The following LHFPL3 variants were observed in gnomAD, a reference collection of about 807,000 sequenced individuals.
The protein encoded by LHFPL3 is LHFPL tetraspan subfamily member 3 protein.
In LHFPL3, 5 loss-of-function variants were observed where a neutral mutation model predicts 19.3. The ratio of observed to expected loss-of-function variants is 0.26; its 90% CI spans 0.14 to 0.54. LHFPL3 has a LOEUF of 0.54. Among genes scored for constraint, LHFPL3 ranks in the 20% least tolerant of loss-of-function variants. The pLI, the probability that LHFPL3 is intolerant of heterozygous loss-of-function variation, is 0.94. For missense variants in LHFPL3, 249 were observed against 307.4 expected, an observed-to-expected ratio of 0.81 and a Z score of 1.42; for synonymous variants, 133 against 126.2, an observed-to-expected ratio of 1.05 and a Z score of -0.36.
chr7:104,669,019 A>C (rs968527686), intron 1 of LHFPL3: 2 of 1,612,096 alleles, frequency 1.2e-6, no homozygotes, highest in Non-Finnish European at 1.7e-6. Context: ...GTCATCACAG[A>C]CTGGGACCTC....
rs1396546355 is a variant in LHFPL3, at chr7:104,733,986, A to G, written c.446-2689A>G. ...TATTTCTCCTTCACTTATGAAGCTT[A>G]GTTTGGCTGGATATGAAATTCTGGG... On this transcript the variant is annotated intron_variant, in intron 1 of 2. Coordinates refer to ENST00000424859, the MANE Select transcript of LHFPL3 (RefSeq NM_199000.3). Among the ~76,000 whole-genome samples, 4 of 152,298 alleles carry G rather than the reference A, an allele frequency of 2.6e-5. No homozygotes were observed. The South Asian group carries it at 8.3e-4, about 32-fold the overall frequency.
At chr7:104,843,155 A>G (rs1791246944) in intron 2 of LHFPL3, among the ~76,000 whole-genome samples, 1 of 152,238 alleles carries the variant, frequency 6.6e-6, no homozygotes. Context: ...CCAAGAAATT[A>G]AAACCCAGGC....
rs541559205 is a variant in LHFPL3, at chr7:104,329,263, G to C, written c.445+39G>C. ...CACCTCCGCGGAGGCGGAGGACCCC[G>C]GGGCGCCCGAGCCGGGGAGGGGCCA... On this transcript the variant is annotated intron_variant, in intron 1 of 2. Coordinates refer to ENST00000424859, the MANE Select transcript of LHFPL3 (RefSeq NM_199000.3). 15 of 1,553,816 alleles carry C rather than the reference G, an allele frequency of 9.7e-6. No homozygotes were observed. In the African/African-American group the frequency reaches 1.9e-4, roughly 20 times the overall value.
At chr7:104,352,986 G>A (rs1175272717) in intron 1 of LHFPL3, among the ~76,000 whole-genome samples, 1 of 152,186 alleles carries the variant, frequency 6.6e-6, no homozygotes, top group Non-Finnish European at 1.5e-5. Context: ...ATTTCAGTGG[G>A]GAGCCTGTAA....
chr7:104,664,434 G>A (rs1203043383), intron 1 of LHFPL3, among the ~76,000 whole-genome samples: 2 of 152,082 alleles, frequency 1.3e-5, no homozygotes, highest in Admixed American at 6.5e-5. Context: ...CATTCTTTCA[G>A]GTTCAAAATT....
intron 2 of LHFPL3, among the ~76,000 whole-genome samples, chr7:104,753,969 C>T (rs1445990250): frequency 1.3e-5 from 2 of 152,140 alleles, no homozygotes; most frequent in African/African-American, 2.4e-5. Flanking sequence ...ATAAACATTC[C>T]CTGTGACATG....
At chr7:104,823,936 C>T (rs569085207) in intron 2 of LHFPL3, among the ~76,000 whole-genome samples, 13 of 150,826 alleles carry the variant, frequency 8.6e-5, no homozygotes, top group Non-Finnish European at 1.0e-4. Flanking sequence ...ACTTGAGGTC[C>T]GGAGTTCGAG....
chr7:104,482,580 G>A (rs1562911459), intron 1 of LHFPL3, among the ~76,000 whole-genome samples: 1 of 152,162 alleles, frequency 6.6e-6, no homozygotes, highest in African/African-American at 2.4e-5. Flanking sequence ...ATCAATGTGT[G>A]TAATAGAGTG....
chr7:104,824,423 T>A (rs1299976113), intron 2 of LHFPL3, among the ~76,000 whole-genome samples: 1 of 59,550 alleles, frequency 1.7e-5, no homozygotes, highest in Admixed American at 3.3e-4. Flanking sequence ...ATTTTATATA[T>A]AATATATATA....
intron 2 of LHFPL3, among the ~76,000 whole-genome samples, chr7:104,838,884 G>A (rs1427460233): frequency 6.6e-6 from 1 of 152,170 alleles, no homozygotes; most frequent in Non-Finnish European, 1.5e-5. Flanking sequence ...GTTAATACCA[G>A]AACTCATTTC....
At chr7:104,430,436 A>ACACG (rs1487137412) in intron 1 of LHFPL3, among the ~76,000 whole-genome samples, 3 of 13,072 alleles carry the variant, frequency 2.3e-4, no homozygotes, top group African/African-American at 6.1e-4. Flanking sequence ...ATATATATAT[A>ACACG]TATATATATA....
chr7:104,783,351 ATTT>A (rs1176542968), intron 2 of LHFPL3, among the ~76,000 whole-genome samples: 3 of 152,186 alleles, frequency 2.0e-5, no homozygotes, highest in Non-Finnish European at 4.4e-5. Context: ...CTACATACTT[ATTT>A]AACCCCAGTG....
intron 1 of LHFPL3, among the ~76,000 whole-genome samples, chr7:104,704,190 T>C (rs1440337399): frequency 2.6e-5 from 4 of 152,186 alleles, no homozygotes; most frequent in Non-Finnish European, 4.4e-5. Flanking sequence ...ACTATGAAAA[T>C]TGAAAAACAC....
At chr7:104,842,484 G>T (rs576002968) in intron 2 of LHFPL3, among the ~76,000 whole-genome samples, 18 of 152,146 alleles carry the variant, frequency 1.2e-4, no homozygotes, top group Non-Finnish European at 2.4e-4. Flanking sequence ...TAATGTCATG[G>T]CTGTCTTCAC....
Position 104,833,063 on chromosome 7 carries a change from A to ATCTATT in LHFPL3, c.683-73124_683-73123insTCTATT, listed in dbSNP as rs1351048169. On this transcript the variant is annotated intron_variant, in intron 2 of 2. Coordinates refer to ENST00000424859, the MANE Select transcript of LHFPL3 (RefSeq NM_199000.3). ...TATATATTATATATATATTATATAT[A>ATCTATT]ATATATATATTATATATATCTAATA... Among the ~76,000 whole-genome samples the ATCTATT allele has an allele frequency of 1.4e-4, 10 of 71,570 alleles. 1 individual carries two copies. The highest frequency in any genetic ancestry group is 6.2e-4 in the African/African-American group (10 of 16,016). The allele number at this position is 71,570 out of a possible 152,430, so 47.0% of individuals were successfully genotyped here. A position where few individuals can be genotyped will look rare whatever the true frequency, so the allele number is the denominator to read the frequency against.
At chr7:104,706,088 C>T (rs550583480) in intron 1 of LHFPL3, among the ~76,000 whole-genome samples, 1 of 152,246 alleles carries the variant, frequency 6.6e-6, no homozygotes, top group South Asian at 2.1e-4. Flanking sequence ...AAGAAATGAG[C>T]CAGGGACACA....
chr7:104,381,808 A>G (rs181210534), intron 1 of LHFPL3, among the ~76,000 whole-genome samples: 3 of 152,322 alleles, frequency 2.0e-5, no homozygotes, highest in African/African-American at 7.2e-5. Context: ...TTGACTTTTA[A>G]AATATCCTGT....
At chr7:104,735,336 A>C (rs1483403773) in intron 1 of LHFPL3, among the ~76,000 whole-genome samples, 4 of 152,246 alleles carry the variant, frequency 2.6e-5, no homozygotes, top group Admixed American at 6.5e-5. Context: ...AGAGGCAGGC[A>C]GGCCTCCTTG....
chr7:104,859,507 A>C (rs551628177), intron 2 of LHFPL3, among the ~76,000 whole-genome samples: 3 of 152,010 alleles, frequency 2.0e-5, no homozygotes, highest in African/African-American at 7.2e-5. Flanking sequence ...CATCTCTACC[A>C]AAAACACAAA....
Sources: allele counts gnomAD v4.1 joint callset (sites outside exome capture counted in the v4.1 genomes callset), GRCh38; gene constraint gnomAD v4.1.1; transcripts MANE v1.5; gene names NCBI Gene and HGNC (gene_info 2026-07-23, HGNC 2026-07-21).